EXOC6B: variants seen among roughly 807,000 people sequenced by gnomAD.
The protein encoded by EXOC6B is exocyst complex component 6B, also known as SEC15 homolog B.
EXOC6B carries 54 observed loss-of-function variants against 113.5 expected under a neutral mutation model. That is an observed-to-expected ratio of 0.48 (90% confidence interval 0.38 to 0.60). The LOEUF is 0.60. Ranked by LOEUF, EXOC6B falls within the 20% of genes least tolerant of loss-of-function variation. EXOC6B has a pLI of 0.00. For synonymous variants in EXOC6B, 357 were observed against 339.0 expected (o/e 1.05, Z -0.58); for missense variants, 797 against 977.5 (o/e 0.82, Z 2.46).
intron 1 of EXOC6B, among the ~76,000 whole-genome samples, chr2:72,773,721 T>A (rs1176787422): frequency 6.6e-6 from 1 of 152,204 alleles, no homozygotes; most frequent in African/African-American, 2.4e-5. Flanking sequence ...ATAGTTTGTT[T>A]TACATTTGTG....
Position 72,678,284 on chromosome 2 carries a change from C to A in EXOC6B, c.669+39819G>T, listed in dbSNP as rs1181381420. On this transcript the variant is annotated intron_variant, in intron 6 of 21. Transcript: ENST00000272427. Reference sequence around the variant, plus strand: ...AATGTGGCTCGCTAAACATTTGTAACACAGTTACCAATTTGTGTTTCAAGG... The same window carrying A: ...AATGTGGCTCGCTAAACATTTGTAAAACAGTTACCAATTTGTGTTTCAAGG... 1.3e-5 allele frequency among the ~76,000 whole-genome samples: 2 copies of A among 152,184 alleles called. 1 individual carries two copies.
intron 20 of EXOC6B, among the ~76,000 whole-genome samples, chr2:72,329,829 T>G (rs1306878922): frequency 6.6e-6 from 1 of 152,128 alleles, no homozygotes; most frequent in Non-Finnish European, 1.5e-5. Flanking sequence ...GTTCAACATC[T>G]CAAAAGAAAC....
At chr2:72,662,791 C>T (rs1368993843) in intron 6 of EXOC6B, among the ~76,000 whole-genome samples, 1 of 151,756 alleles carries the variant, frequency 6.6e-6, no homozygotes, top group African/African-American at 2.4e-5. Flanking sequence ...AGGCTGGAAT[C>T]GCAGTGGCAC....
chr2:72,332,908 G>A (rs1320282029), intron 20 of EXOC6B, among the ~76,000 whole-genome samples: 1 of 152,096 alleles, frequency 6.6e-6, no homozygotes, highest in African/African-American at 2.4e-5. Flanking sequence ...AATATTTTCA[G>A]CACAGGATGT....
chr2:72,487,875 G>A (rs1035820513), intron 16 of EXOC6B, among the ~76,000 whole-genome samples: 9 of 152,148 alleles, frequency 5.9e-5, no homozygotes, highest in Admixed American at 3.3e-4. Flanking sequence ...GCAAGGCAGC[G>A]TCTGCCAGTT....
intron 19 of EXOC6B, chr2:72,335,289 T>G (rs1011768224): frequency 9.2e-6 from 3 of 327,788 alleles, no homozygotes; most frequent in African/African-American, 2.1e-5. Context: ...TCAGAGTATT[T>G]GTTTTGTGAA....
intron 19 of EXOC6B, among the ~76,000 whole-genome samples, chr2:72,371,558 A>G (rs1273896474): frequency 6.6e-6 from 1 of 152,146 alleles, no homozygotes; most frequent in Non-Finnish European, 1.5e-5. Context: ...ATGTGATACA[A>G]CATATGAAGA....
At chr2:72,647,701 T>C (rs1366908236) in intron 6 of EXOC6B, among the ~76,000 whole-genome samples, 1 of 152,190 alleles carries the variant, frequency 6.6e-6, no homozygotes, top group East Asian at 1.9e-4. Flanking sequence ...ATTTAATAAA[T>C]GGTGCTGGGA....
At chr2:72,353,841 C>T (rs1689811854) in intron 19 of EXOC6B, among the ~76,000 whole-genome samples, 1 of 152,084 alleles carries the variant, frequency 6.6e-6, no homozygotes, top group Non-Finnish European at 1.5e-5. Context: ...ATAGTAATAA[C>T]CACAACATAG....
chr2:72,664,110 C>G (rs1675218553), intron 6 of EXOC6B, among the ~76,000 whole-genome samples: 1 of 152,052 alleles, frequency 6.6e-6, no homozygotes, highest in South Asian at 2.1e-4. Flanking sequence ...CAGTTTGAGG[C>G]CAGCCTGGGC....
At chr2:72,315,681 G>A (rs996845381) in intron 20 of EXOC6B, among the ~76,000 whole-genome samples, 15 of 152,014 alleles carry the variant, frequency 9.9e-5, no homozygotes, top group Non-Finnish European at 1.8e-4. Context: ...TGTGATGTGC[G>A]AGAAAAAAGA....
intron 1 of EXOC6B, among the ~76,000 whole-genome samples, chr2:72,790,506 G>A (rs1684616505): frequency 6.6e-6 from 1 of 152,148 alleles, no homozygotes; most frequent in East Asian, 1.9e-4. Flanking sequence ...GGAACCTGAA[G>A]CAGTCCCACA....
intron 20 of EXOC6B, among the ~76,000 whole-genome samples, chr2:72,245,220 T>C (rs1429263038): frequency 1.3e-5 from 2 of 152,200 alleles, no homozygotes; most frequent in Non-Finnish European, 2.9e-5. Context: ...TGACACTACC[T>C]GTTTCTAAAA....
At chr2:72,356,878 A>T (rs1689997536) in intron 19 of EXOC6B, among the ~76,000 whole-genome samples, 1 of 152,186 alleles carries the variant, frequency 6.6e-6, no homozygotes, top group African/African-American at 2.4e-5. Flanking sequence ...AATAAGAGTC[A>T]CTTGAACACA....
intron 6 of EXOC6B, among the ~76,000 whole-genome samples, chr2:72,588,479 A>T (rs1174996404): frequency 6.6e-6 from 1 of 152,032 alleles, no homozygotes; most frequent in Non-Finnish European, 1.5e-5. Flanking sequence ...AAGTAGTCAG[A>T]CTAATAGAAA....
chr2:72,312,177 C>T (rs1322070092), intron 20 of EXOC6B, among the ~76,000 whole-genome samples: 1 of 152,144 alleles, frequency 6.6e-6, no homozygotes, highest in Non-Finnish European at 1.5e-5. Context: ...GCTAGAACTT[C>T]CTAAAGCAAG....
At chr2:72,401,494 C>CATATATAT (rs1170388566) in intron 18 of EXOC6B, among the ~76,000 whole-genome samples, 1 of 59,644 alleles carries the variant, frequency 1.7e-5, no homozygotes, top group Non-Finnish European at 2.9e-5. Flanking sequence ...ATTTTATATA[C>CATATATAT]ATATATATAT....
intron 6 of EXOC6B, among the ~76,000 whole-genome samples, chr2:72,612,649 G>A (rs1035440751): frequency 1.3e-5 from 2 of 152,176 alleles, no homozygotes; most frequent in Admixed American, 6.5e-5. Flanking sequence ...ATTATGGGAG[G>A]ATAAAGCATC....
At chr2:72,360,236 T>G (rs1233383218) in intron 19 of EXOC6B, among the ~76,000 whole-genome samples, 1 of 151,628 alleles carries the variant, frequency 6.6e-6, no homozygotes, top group African/African-American at 2.4e-5. Flanking sequence ...CACAAGCATG[T>G]GCCACTATGC....
Sources: allele counts gnomAD v4.1 joint callset (sites outside exome capture counted in the v4.1 genomes callset), GRCh38; gene constraint gnomAD v4.1.1; transcripts MANE v1.5; gene names NCBI Gene and HGNC (gene_info 2026-07-23, HGNC 2026-07-21).